PREX2: variants seen among roughly 807,000 people sequenced by gnomAD.
The protein encoded by PREX2 is phosphatidylinositol-3,4,5-trisphosphate dependent Rac exchange factor 2, also known as phosphatidylinositol 3,4,5-trisphosphate-dependent Rac exchanger 2 protein.
PREX2 carries 107 observed loss-of-function variants against 203.2 expected under a neutral mutation model. The observed-to-expected ratio is 0.53, with a 90% CI of 0.45 to 0.62. The LOEUF (loss-of-function observed/expected upper bound fraction) is 0.62, where lower values mean the gene tolerates loss of function less well. PREX2 is among the 20% of genes least tolerant of loss of function. The probability of loss-of-function intolerance (pLI) is 0.00; values close to 1 mark genes in which losing one functional copy is unlikely to be tolerated. For missense variants in PREX2, 1,777 were observed against 1,955.9 expected (o/e 0.91, Z 1.72); for synonymous variants, 672 against 663.6 (o/e 1.01, Z -0.19).
At chr8:68,103,532 C>T (rs986539628) in intron 23 of PREX2, 1 of 518,814 alleles carries the variant, frequency 1.9e-6, no homozygotes, top group East Asian at 5.4e-5. Flanking sequence ...TAGCCCTCCC[C>T]TACCCCACAC....
intron 39 of PREX2, among the ~76,000 whole-genome samples, chr8:68,228,756 A>C (rs1813102477): frequency 6.8e-6 from 1 of 147,382 alleles, no homozygotes; most frequent in Non-Finnish European, 1.5e-5. Context: ...ACAGAGCGAG[A>C]CTCCGTCTCT....
At chr8:67,996,325 A>G (rs1806763647) in intron 1 of PREX2, among the ~76,000 whole-genome samples, 1 of 151,966 alleles carries the variant, frequency 6.6e-6, no homozygotes, top group Non-Finnish European at 1.5e-5. Flanking sequence ...CCTGCTGAGT[A>G]GCTGGGACCA....
chr8:68,038,243 G>A lies in PREX2; in HGVS notation c.790G>A (p.Val264Met), dbSNP rs1463542246. Residue 264 changes from valine (V) to methionine (M), a missense_variant, in exon 7 of 40, where the codon GTG (valine) becomes ATG (methionine). By Grantham distance (21) the Val-to-Met change is conservative (BLOSUM62 1). Coordinates refer to ENST00000288368, the MANE Select transcript of PREX2 (RefSeq NM_024870.4). ...KISSGNIQER[V>M]FFLFDNLLVY... ...TTCTTCTGGAAATATTCAAGAACGGGTGTTTTTTCTTTTCGATAATCTTTT... is the reference window on the plus strand; with the variant it reads ...TTCTTCTGGAAATATTCAAGAACGGATGTTTTTTCTTTTCGATAATCTTTT... The A allele has an allele frequency of 1.2e-6, 2 of 1,613,782 alleles. No individual in the cohort carries two copies. Among genetic ancestry groups the A allele is most frequent in the Admixed American group, 1.7e-5 (1 of 60,010 alleles).
intron 30 of PREX2, among the ~76,000 whole-genome samples, chr8:68,124,785 A>G (rs1810856614): frequency 6.6e-6 from 1 of 152,132 alleles, no homozygotes; most frequent in African/African-American, 2.4e-5. Context: ...AGGAATGATA[A>G]CTATATACAT....
At chr8:68,215,331 A>T (rs571616122) in intron 37 of PREX2, among the ~76,000 whole-genome samples, 2 of 152,214 alleles carry the variant, frequency 1.3e-5, no homozygotes, top group Admixed American at 1.3e-4. Flanking sequence ...TCAGTAAAGC[A>T]CAGACATATT....
chr8:68,173,230 A>C (rs1213338935), intron 35 of PREX2, among the ~76,000 whole-genome samples: 1 of 152,198 alleles, frequency 6.6e-6, no homozygotes, highest in Non-Finnish European at 1.5e-5. Flanking sequence ...AATTTATTCC[A>C]GTATCCAGCC....
intron 1 of PREX2, among the ~76,000 whole-genome samples, chr8:67,996,537 G>T (rs551757948): frequency 6.6e-6 from 1 of 152,144 alleles, no homozygotes; most frequent in African/African-American, 2.4e-5. Flanking sequence ...TTCTACATAA[G>T]GGCCTTTTGT....
Position 68,137,612 on chromosome 8 carries a change from A to G in PREX2, c.3985-803A>G, listed in dbSNP as rs577309866. On this transcript the variant is annotated intron_variant, in intron 32 of 39. Coordinates refer to ENST00000288368, the MANE Select transcript of PREX2 (RefSeq NM_024870.4). The stretch of plus-strand genomic sequence containing the variant: ...AAACAAATATTACCTTTAGAAGATA[A>G]GCTATGTATGACAAAGTTAATTATA... Among the ~76,000 whole-genome samples, 3 of 152,302 alleles carry G rather than the reference A, an allele frequency of 2.0e-5. No individual in the cohort carries two copies. The South Asian group carries it at 6.2e-4, about 32-fold the overall frequency.
At chr8:68,011,844 A>T (rs936927804) in intron 1 of PREX2, among the ~76,000 whole-genome samples, 3 of 152,164 alleles carry the variant, frequency 2.0e-5, no homozygotes, top group Non-Finnish European at 4.4e-5. Flanking sequence ...TGCAGAAACA[A>T]ACTAGAAGTT....
chr8:67,975,418 G>T (rs1806050165), intron 1 of PREX2, among the ~76,000 whole-genome samples: 1 of 151,556 alleles, frequency 6.6e-6, no homozygotes, highest in Non-Finnish European at 1.5e-5. Flanking sequence ...GCAGTGCCAG[G>T]CCTATAGTGA....
At chr8:68,180,367 G>A (rs1211042223) in intron 35 of PREX2, among the ~76,000 whole-genome samples, 1 of 152,036 alleles carries the variant, frequency 6.6e-6, no homozygotes, top group African/African-American at 2.4e-5. Flanking sequence ...GTTCTTTACA[G>A]ATGAATATTG....
intron 37 of PREX2, among the ~76,000 whole-genome samples, chr8:68,193,394 T>C (rs761401607): frequency 6.6e-6 from 1 of 152,186 alleles, no homozygotes; most frequent in Non-Finnish European, 1.5e-5. Context: ...ACATGTGCCA[T>C]GGTGGTTTGC....
At chr8:68,076,273 A>G (rs1185620746) in intron 14 of PREX2, among the ~76,000 whole-genome samples, 1 of 152,084 alleles carries the variant, frequency 6.6e-6, no homozygotes, top group Non-Finnish European at 1.5e-5. Context: ...CCTGGCCAAC[A>G]TGATGAAAGC....
At chr8:68,152,335 G>A (rs537580320) in intron 34 of PREX2, among the ~76,000 whole-genome samples, 60 of 145,458 alleles carry the variant, frequency 4.1e-4, no homozygotes, top group African/African-American at 1.4e-3. Context: ...TTTTCCATTT[G>A]GGTTTTACAC....
intron 37 of PREX2, among the ~76,000 whole-genome samples, chr8:68,209,616 A>G (rs1296256436): frequency 2.6e-5 from 4 of 152,150 alleles, no homozygotes; most frequent in Non-Finnish European, 4.4e-5. Flanking sequence ...AACAGTGAAA[A>G]TGAGGTAATG....
intron 37 of PREX2, among the ~76,000 whole-genome samples, chr8:68,212,868 C>T (rs1393129675): frequency 6.6e-6 from 1 of 152,152 alleles, no homozygotes; most frequent in Non-Finnish European, 1.5e-5. Flanking sequence ...GAAAAAACTT[C>T]TCTAAGTTTC....
chr8:68,106,012 C>G (rs1810403155), intron 23 of PREX2: 1 of 197,354 alleles, frequency 5.1e-6, no homozygotes, highest in South Asian at 8.5e-5. Flanking sequence ...TATAGCAATA[C>G]TATTGCATTG....
rs375456467 is a variant in PREX2, at chr8:68,016,774, G to T, written c.142-1072G>T. ...TAGGAGTACAGGTGTGTGCCACCAC[G>T]CCCAGCAAACTTTAAAAATCTTTGT... On this transcript the variant is annotated intron_variant, in intron 1 of 39. Transcript: ENST00000288368. Among the ~76,000 whole-genome samples the T allele has an allele frequency of 5.3e-5, 8 of 152,074 alleles. No individual in the cohort carries two copies. The East Asian group carries it at 1.4e-3, about 26-fold the overall frequency.
chr8:67,976,733 GA>G (rs1806120222), intron 1 of PREX2, among the ~76,000 whole-genome samples: 1 of 71,416 alleles, frequency 1.4e-5, no homozygotes, highest in Non-Finnish European at 3.2e-5. Flanking sequence ...GAGAGACAGA[GA>G]GAGAGAGAGA....
Sources: gnomAD v4.1 joint callset for allele counts (sites outside exome capture counted in the v4.1 genomes callset) on GRCh38, gnomAD v4.1.1 for gene constraint, MANE v1.5 for transcripts, NCBI Gene and HGNC (gene_info 2026-07-23, HGNC 2026-07-21) for gene names.